Variants in SPATA31H1 observed in about 807,000 individuals in gnomAD.
SPATA31H1 encodes spermatogenesis-associated protein 31H1.
the SPATA31H1 span, chr2:27,572,916 G>C: frequency 6.0e-4 from 239 of 397,952 alleles, no homozygotes; most frequent in Non-Finnish European, 9.5e-4. Flanking sequence ...GCTGCAAAAA[G>C]GGAAAATTCC....
At chr2:27,577,490 G>T in the SPATA31H1 span, 6 of 1,614,006 alleles carry the variant, frequency 3.7e-6, no homozygotes, top group African/African-American at 1.3e-5. The surrounding 1 kb of genome is among the most constrained non-coding windows in gnomAD (Gnocchi z 4.5). Flanking sequence ...GATTTGCAGA[G>T]AGATCCCCAA....
chr2:27,560,991 G>A, the SPATA31H1 span, among the ~76,000 whole-genome samples: 1 of 152,070 alleles, frequency 6.6e-6, no homozygotes, highest in East Asian at 1.9e-4. Flanking sequence ...AGGAGTGAGT[G>A]GTAGATTTGT....
chr2:27,565,937 G>C, the SPATA31H1 span: 7 of 696,328 alleles, frequency 1.0e-5, no homozygotes, highest in Non-Finnish European at 1.9e-5. Flanking sequence ...ATGATCTTGG[G>C]TATAACTTCA....
At chr2:27,553,077 C>T in the SPATA31H1 span, among the ~76,000 whole-genome samples, 1 of 152,130 alleles carries the variant, frequency 6.6e-6, no homozygotes, top group Non-Finnish European at 1.5e-5. Flanking sequence ...GAAGGACCTG[C>T]TCCAGTGGCT....
chr2:27,579,542 C>T, the SPATA31H1 span: 30 of 1,614,200 alleles, frequency 1.9e-5, no homozygotes, highest in Middle Eastern at 3.3e-4. Flanking sequence ...TACAGCAATA[C>T]TCTGGGACTA....
At chr2:27,547,283 C>G in the SPATA31H1 span, among the ~76,000 whole-genome samples, 1 of 151,572 alleles carries the variant, frequency 6.6e-6, no homozygotes, top group Non-Finnish European at 1.5e-5. Context: ...AAGTGATTCT[C>G]CTGCCTCAGC....
At chr2:27,551,960 C>T in the SPATA31H1 span, among the ~76,000 whole-genome samples, 1 of 151,846 alleles carries the variant, frequency 6.6e-6, no homozygotes, top group Non-Finnish European at 1.5e-5. Context: ...GGACTACAGG[C>T]GTGCACCACC....
the SPATA31H1 span, among the ~76,000 whole-genome samples, chr2:27,544,529 A>ATTTTTTTTTT: frequency 8.0e-6 from 1 of 125,122 alleles, no homozygotes; most frequent in Non-Finnish European, 1.6e-5. Flanking sequence ...GTTGACAACA[A>ATTTTTTTTTT]TTTTTTTTTT....
At chr2:27,548,342 T>G in the SPATA31H1 span, among the ~76,000 whole-genome samples, 38 of 151,952 alleles carry the variant, frequency 2.5e-4, 3 homozygotes, top group African/African-American at 8.0e-4. Context: ...GTGCAGTGAC[T>G]CAAGTCTGTA....
chr2:27,539,498 A>ATC, the SPATA31H1 span, among the ~76,000 whole-genome samples: 1 of 120,730 alleles, frequency 8.3e-6, no homozygotes, highest in African/African-American at 3.5e-5. Flanking sequence ...CAAAATGAAA[A>ATC]GTCTCCCATG....
the SPATA31H1 span, among the ~76,000 whole-genome samples, chr2:27,539,239 G>C: frequency 6.7e-6 from 1 of 149,676 alleles, no homozygotes; most frequent in African/African-American, 2.5e-5. Flanking sequence ...GGTTTTCCTA[G>C]CCAGAGGACC....
At chr2:27,556,395 ATGT>A in the SPATA31H1 span, among the ~76,000 whole-genome samples, 1 of 151,106 alleles carries the variant, frequency 6.6e-6, no homozygotes, top group Non-Finnish European at 1.5e-5. Context: ...TAGCTTTCAA[ATGT>A]TGTTTCTGCT....
the SPATA31H1 span, chr2:27,572,297 G>A: frequency 2.5e-6 from 1 of 398,472 alleles, no homozygotes; most frequent in Non-Finnish European, 4.4e-6. Flanking sequence ...TGAAAATTGT[G>A]GAGTTAAACA....
the SPATA31H1 span, chr2:27,580,215 A>G: frequency 5.6e-6 from 9 of 1,614,028 alleles, no homozygotes; most frequent in African/African-American, 5.3e-5. Flanking sequence ...TACTTCCACA[A>G]TAGATTTGCA....
At chr2:27,559,243 A>C in the SPATA31H1 span, among the ~76,000 whole-genome samples, 1 of 152,188 alleles carries the variant, frequency 6.6e-6, no homozygotes, top group Non-Finnish European at 1.5e-5. Context: ...TAAAGGATTA[A>C]ATTTATCAGA....
chr2:27,541,816 C>A, the SPATA31H1 span, among the ~76,000 whole-genome samples: 164 of 152,150 alleles, frequency 1.1e-3, 1 homozygote, highest in Non-Finnish European at 2.1e-3. Context: ...CTCCCTCTGT[C>A]ACCCAGGCTG....
the SPATA31H1 span, among the ~76,000 whole-genome samples, chr2:27,555,320 C>T: frequency 5.3e-5 from 8 of 151,892 alleles, no homozygotes; most frequent in Admixed American, 1.3e-4. Flanking sequence ...GTTTGCTTTT[C>T]TTTGACTGAA....
chr2:27,565,015 A>G, the SPATA31H1 span, among the ~76,000 whole-genome samples: 2 of 151,904 alleles, frequency 1.3e-5, no homozygotes, highest in Middle Eastern at 6.3e-3. Context: ...TGACATGCTG[A>G]TCTCGGTGAT....
chr2:27,539,064 G>C, the SPATA31H1 span, among the ~76,000 whole-genome samples: 15 of 146,988 alleles, frequency 1.0e-4, no homozygotes, highest in Non-Finnish European at 2.0e-4. Context: ...TATTTTTCCT[G>C]ATGCAAAGAG....
Sources: gnomAD v4.1 joint callset for allele counts (sites outside exome capture counted in the v4.1 genomes callset) on GRCh38, gnomAD v4.1.1 for gene constraint, Gnocchi (gnomAD v3.1) non-coding constraint, MANE v1.5 for transcripts, NCBI Gene and HGNC (gene_info 2026-07-23, HGNC 2026-07-21) for gene names.